CYP39A1: variants seen among roughly 807,000 people sequenced by gnomAD.
CYP39A1 encodes cytochrome P450 family 39 subfamily A member 1.
A neutral mutation model predicts 58.1 loss-of-function variants in CYP39A1; 49 were observed. The observed-to-expected ratio is 0.84, with a 90% CI of 0.67 to 1.07. The LOEUF (loss-of-function observed/expected upper bound fraction) is 1.07. CYP39A1 is among the 50% of genes least tolerant of loss of function. CYP39A1 has a pLI of 0.00. For synonymous variants in CYP39A1, 209 were observed against 187.6 expected (o/e 1.11, Z -0.93); for missense variants, 531 against 539.4 (o/e 0.98, Z 0.16).
intron 5 of CYP39A1, among the ~76,000 whole-genome samples, chr6:46,635,342 A>T (rs1486579807): frequency 6.6e-6 from 1 of 152,160 alleles, no homozygotes; most frequent in African/African-American, 2.4e-5. Flanking sequence ...ACTGTGCCCA[A>T]GGTTACATAA....
chr6:46,625,313 G>T (rs1024971713), intron 7 of CYP39A1, 105 bp downstream of exon 7: 2 of 744,940 alleles, frequency 2.7e-6, no homozygotes, highest in Non-Finnish European at 4.2e-6. Flanking sequence ...GTTGAATTTT[G>T]GATTATGTTG....
At chr6:46,557,425 G>A (rs1770715519) in intron 10 of CYP39A1, among the ~76,000 whole-genome samples, 1 of 151,836 alleles carries the variant, frequency 6.6e-6, no homozygotes, top group Non-Finnish European at 1.5e-5. Context: ...TAGATGACCT[G>A]AGGCCAGGAG....
chr6:46,639,721 C>G, intron 2 of CYP39A1, 53 bp from the exon 3 acceptor site: 1 of 1,455,630 alleles, frequency 6.9e-7, no homozygotes, highest in South Asian at 1.2e-5. Flanking sequence ...TTGAAACACA[C>G]AGTCAATATA....
At position 46,639,620 on chromosome 6, in the gene CYP39A1, A is replaced by G; in HGVS notation, c.362T>C (p.Ile121Thr). The G allele has an allele frequency of 1.9e-6, 3 of 1,613,998 alleles. No individual in the cohort carries two copies. The highest frequency in any genetic ancestry group is 2.5e-6 in the Non-Finnish European group (3 of 1,179,920). The change falls in exon 3 of 12, where the codon ATT (isoleucine) becomes ACT (threonine). Residue 121 changes from isoleucine (I) to threonine (T), a missense_variant. Transcript: ENST00000275016. The part of the protein sequence containing the change: ...VFLALHEKLY[I>T]MLKGKMGTVN... Reference sequence around the variant, plus strand: ...AGTCCCCATTTTCCCTTTCAACATAATATAGAGTTTTTCATGCAGTGCTAA... The same window carrying G: ...AGTCCCCATTTTCCCTTTCAACATAGTATAGAGTTTTTCATGCAGTGCTAA...
At chr6:46,650,484 CT>C (rs567314746) in intron 1 of CYP39A1, among the ~76,000 whole-genome samples, 310 of 35,138 alleles carry the variant, frequency 8.8e-3, no homozygotes, top group Middle Eastern at 0.033. Flanking sequence ...CAGTCATATT[CT>C]TTTTTTTTTT....
chr6:46,599,068 G>A (rs1412322121), intron 7 of CYP39A1, among the ~76,000 whole-genome samples: 1 of 152,144 alleles, frequency 6.6e-6, no homozygotes, highest in Non-Finnish European at 1.5e-5. Flanking sequence ...GTGTGGGGTT[G>A]CATATGCAAC....
intron 7 of CYP39A1, among the ~76,000 whole-genome samples, chr6:46,622,684 T>C (rs1201085944): frequency 6.7e-6 from 1 of 149,612 alleles, no homozygotes; most frequent in East Asian, 1.9e-4. Context: ...AAGCAGATAA[T>C]GAAGACTTAG....
At chr6:46,595,895 A>G (rs1285015527) in intron 8 of CYP39A1, 92 bp downstream of exon 8, 3 of 1,218,206 alleles carry the variant, frequency 2.5e-6, no homozygotes, top group Non-Finnish European at 3.5e-6. Flanking sequence ...GTAAAAATAA[A>G]TCAAGATATG....
chr6:46,634,693 T>G (rs1775871837), intron 5 of CYP39A1, among the ~76,000 whole-genome samples: 1 of 152,046 alleles, frequency 6.6e-6, no homozygotes, highest in South Asian at 2.1e-4. Context: ...GGCTAATTTT[T>G]GTATTTTTAG....
At chr6:46,569,163 A>G (rs543439705) in intron 10 of CYP39A1, among the ~76,000 whole-genome samples, 138 of 152,084 alleles carry the variant, frequency 9.1e-4, no homozygotes, top group African/African-American at 3.3e-3. Context: ...GATTGCTTTC[A>G]TAGTTTCCTT....
Position 46,550,362 on chromosome 6 carries a change from G to A in CYP39A1, c.*4C>T, listed in dbSNP as rs1304518849. 5 of 1,612,334 alleles carry A rather than the reference G, an allele frequency of 3.1e-6. No individual in the cohort carries two copies. The highest frequency in any genetic ancestry group is 4.2e-6 in the Non-Finnish European group (5 of 1,179,276). ...GCCCTGGTCCTTGTGAGGCCCAACA[G>A]ATGTCATATTCTTTGTTTATATTCA... On this transcript the variant is annotated 3_prime_UTR_variant, in exon 12 of 12. Coordinates refer to ENST00000275016, the MANE Select transcript of CYP39A1 (RefSeq NM_016593.5).
intron 10 of CYP39A1, among the ~76,000 whole-genome samples, chr6:46,559,990 C>A (rs888913424): frequency 6.6e-6 from 1 of 152,046 alleles, no homozygotes; most frequent in Non-Finnish European, 1.5e-5. Context: ...TAGTAGAATG[C>A]ATTCTAGAAT....
intron 10 of CYP39A1, among the ~76,000 whole-genome samples, chr6:46,564,547 A>T (rs1480899345): frequency 6.6e-6 from 1 of 152,150 alleles, no homozygotes; most frequent in Non-Finnish European, 1.5e-5. Context: ...GGCCAGAAGG[A>T]AGGAGGAGTA....
chr6:46,631,855 C>T (rs189145581), intron 5 of CYP39A1, among the ~76,000 whole-genome samples: 51 of 152,324 alleles, frequency 3.3e-4, no homozygotes, highest in Admixed American at 1.8e-3. Context: ...CTTCATCGGG[C>T]GGTTTCCCCA....
intron 6 of CYP39A1, among the ~76,000 whole-genome samples, chr6:46,628,206 T>C (rs1470491917): frequency 6.6e-6 from 1 of 152,246 alleles, no homozygotes; most frequent in East Asian, 1.9e-4. Context: ...CCGATCATGG[T>C]AAACACAAAT....
chr6:46,580,145 C>T (rs528589664), intron 10 of CYP39A1, among the ~76,000 whole-genome samples: 1 of 152,158 alleles, frequency 6.6e-6, no homozygotes, highest in South Asian at 2.1e-4. Flanking sequence ...GATACTGGTA[C>T]AAAAACAGAC....
chr6:46,644,783 C>T (rs903726630), intron 1 of CYP39A1, among the ~76,000 whole-genome samples: 2 of 152,178 alleles, frequency 1.3e-5, no homozygotes, highest in Admixed American at 6.5e-5. Flanking sequence ...AATCCAGTTT[C>T]TCTGTATCCT....
chr6:46,624,949 G>GT (rs1229320770), intron 7 of CYP39A1, among the ~76,000 whole-genome samples: 2 of 151,776 alleles, frequency 1.3e-5, no homozygotes, highest in South Asian at 4.3e-4. Flanking sequence ...TTGTTTACTT[G>GT]TTTTTTGTTT....
At chr6:46,570,611 GCAGGCTGTACATGAAGCATAGTGC>G (rs1771534542) in intron 10 of CYP39A1, among the ~76,000 whole-genome samples, 1 of 152,124 alleles carries the variant, frequency 6.6e-6, no homozygotes, top group East Asian at 1.9e-4. Context: ...TCATGGTTCT[GCAGGCTGTACATGAAGCATAGTGC>G]CAGTATCTGC....
Sources: allele counts gnomAD v4.1 joint callset (sites outside exome capture counted in the v4.1 genomes callset), GRCh38; gene constraint gnomAD v4.1.1; transcripts MANE v1.5; gene names NCBI Gene and HGNC (gene_info 2026-07-23, HGNC 2026-07-21).